ATP8B1: variants seen among roughly 807,000 people sequenced by gnomAD.
ATP8B1 encodes the protein phospholipid-transporting ATPase IC.
ATP8B1 carries 80 observed loss-of-function variants against 149.9 expected under a neutral mutation model. That is an observed-to-expected ratio of 0.53 (90% CI 0.45 to 0.64). The LOEUF (loss-of-function observed/expected upper bound fraction) is 0.64, where lower values mean the gene tolerates loss of function less well. ATP8B1 is among the 30% of genes least tolerant of loss of function. The pLI is 0.00. For missense variants in ATP8B1, 1,247 were observed against 1,552.6 expected, an observed-to-expected ratio of 0.80 and a Z score of 3.31; for synonymous variants, 536 against 562.8, an observed-to-expected ratio of 0.95 and a Z score of 0.67.
chr18:57,800,413 G>A (rs2663845), intron 1 of ATP8B1, among the ~76,000 whole-genome samples: 19,964 of 152,036 alleles, frequency 0.13, 1,882 homozygotes, highest in East Asian at 0.44. Context: ...TGAGTGCATC[G>A]GTTTCTTTTT....
intron 6 of ATP8B1, among the ~76,000 whole-genome samples, chr18:57,698,645 T>G (rs555061786): frequency 3.6e-4 from 55 of 152,332 alleles, no homozygotes; most frequent in African/African-American, 1.2e-3. Context: ...GGTTAACTTC[T>G]TAATTGTAAA....
chr18:57,750,793 A>C, intron 1 of ATP8B1, among the ~76,000 whole-genome samples: 1 of 152,186 alleles, frequency 6.6e-6, no homozygotes, highest in East Asian at 1.9e-4. Context: ...AACTTTGTGC[A>C]TGTTTGCATG....
chr18:57,713,404 C>T (rs1229393826), intron 2 of ATP8B1, among the ~76,000 whole-genome samples: 5 of 151,658 alleles, frequency 3.3e-5, no homozygotes, highest in African/African-American at 1.2e-4. Context: ...TCAAGCAATT[C>T]TCATGCCTCA....
intron 1 of ATP8B1, among the ~76,000 whole-genome samples, chr18:57,792,367 C>G (rs548636798): frequency 6.6e-6 from 1 of 151,854 alleles, no homozygotes; most frequent in Non-Finnish European, 1.5e-5. Flanking sequence ...AGGCTGTTCT[C>G]GAACTCCTGA....
At chr18:57,795,525 CT>C (rs952564915) in intron 1 of ATP8B1, among the ~76,000 whole-genome samples, 2 of 151,990 alleles carry the variant, frequency 1.3e-5, no homozygotes, top group Non-Finnish European at 2.9e-5. Flanking sequence ...TTATTCAGCC[CT>C]AAAAAAGGAA....
intron 13 of ATP8B1, among the ~76,000 whole-genome samples, chr18:57,686,333 G>A (rs73439171): frequency 0.081 from 12,277 of 151,782 alleles, 1,637 homozygotes; most frequent in African/African-American, 0.28. Flanking sequence ...CATATTAACC[G>A]ATTTTTTGTT....
Position 57,798,704 on chromosome 18 carries a change from G to A in ATP8B1, c.-26+4294C>T, listed in dbSNP as rs566875585. Among the ~76,000 whole-genome samples the A allele has an allele frequency of 9.8e-5, 15 of 152,298 alleles. No homozygotes were observed. In the South Asian group the frequency reaches 2.3e-3, roughly 23 times the overall value. ...TAAAGGGGGCTCAGGAGCATTCCAC[G>A]GGCTTCTACTGTGCAGGAAGAGGTA... On this transcript the variant is annotated intron_variant, in intron 1 of 27. Transcript: ENST00000648908.
At chr18:57,709,664 T>A (rs1392327875) in intron 2 of ATP8B1, among the ~76,000 whole-genome samples, 3 of 151,632 alleles carry the variant, frequency 2.0e-5, no homozygotes, top group African/African-American at 7.3e-5. Flanking sequence ...TCTTTTTTTG[T>A]CCTTTTTTCT....
At chr18:57,750,615 A>G (rs1345284494) in intron 1 of ATP8B1, among the ~76,000 whole-genome samples, 2 of 152,180 alleles carry the variant, frequency 1.3e-5, no homozygotes, top group East Asian at 1.9e-4. Context: ...CCTGCCTTAT[A>G]TATCAGTTCC....
chr18:57,738,374 A>G (rs2123191280), intron 1 of ATP8B1, among the ~76,000 whole-genome samples: 1 of 152,364 alleles, frequency 6.6e-6, no homozygotes, highest in South Asian at 2.1e-4. Context: ...CTGTAATCCC[A>G]GCACTTTGGA....
In ATP8B1 at chr18:57,685,333, G is replaced by T. The variant is rs17063968; in HGVS notation, c.1430-218C>A. 0.032 allele frequency among the ~76,000 whole-genome samples: 4,908 copies of T among 152,082 alleles called. 244 individuals carry two copies. The highest frequency in any genetic ancestry group is 0.11 in the African/African-American group (4,598 of 41,468). On this transcript the variant is annotated intron_variant, in intron 13 of 27. Coordinates refer to ENST00000648908, the MANE Select transcript of ATP8B1 (RefSeq NM_001374385.1). ...CCCTCTCCACTACCTTCTCCTAGGG[G>T]CCTGAATCATATCCTTTGAAATGCT... is the stretch of plus-strand genomic sequence containing the variant.
intron 1 of ATP8B1, among the ~76,000 whole-genome samples, chr18:57,777,790 G>A (rs1013184755): frequency 1.3e-5 from 2 of 152,096 alleles, no homozygotes; most frequent in African/African-American, 2.4e-5. Flanking sequence ...AGCTGGTTTC[G>A]AACTTCTGGG....
intron 1 of ATP8B1, among the ~76,000 whole-genome samples, chr18:57,780,559 A>G (rs1299131716): frequency 6.6e-6 from 1 of 152,188 alleles, no homozygotes; most frequent in African/African-American, 2.4e-5. Flanking sequence ...AGATGGGGGA[A>G]AGGAAATCGT....
chr18:57,750,416 A>C (rs931795625), intron 1 of ATP8B1, among the ~76,000 whole-genome samples: 4 of 152,240 alleles, frequency 2.6e-5, no homozygotes, highest in Non-Finnish European at 2.9e-5. Flanking sequence ...AAATATTTTC[A>C]AAGCATGTTT....
intron 1 of ATP8B1, among the ~76,000 whole-genome samples, chr18:57,790,235 C>G (rs192720288): frequency 5.3e-5 from 8 of 151,998 alleles, no homozygotes; most frequent in Admixed American, 5.2e-4. Context: ...CCCCCATCCT[C>G]TCTCTCTCAT....
At chr18:57,783,770 G>A (rs973949607) in intron 1 of ATP8B1, among the ~76,000 whole-genome samples, 4 of 152,134 alleles carry the variant, frequency 2.6e-5, no homozygotes, top group African/African-American at 9.7e-5. Flanking sequence ...GGGAGGCAGA[G>A]GTTGCAGTGA....
intron 20 of ATP8B1, among the ~76,000 whole-genome samples, chr18:57,664,064 C>T (rs1329012721): frequency 3.8e-5 from 3 of 78,832 alleles, no homozygotes; most frequent in East Asian, 4.6e-4. Flanking sequence ...CACGCCTGGC[C>T]AGCCCTTTTT....
rs1707906676 is a variant in ATP8B1 at position 57,802,534 on chromosome 18, C to T, written c.-26+464G>A. On this transcript the variant is annotated intron_variant, in intron 1 of 27. Transcript: ENST00000648908. The surrounding 1 kb of genome is among the most constrained non-coding windows in gnomAD (Gnocchi z 4.9). ...GTCAGATACGTTTGGCCCGCAAGTC[C>T]TTTTCGGACACGTTGGCATCTGCTC... 6.6e-6 allele frequency among the ~76,000 whole-genome samples: 1 copy of T among 152,184 alleles called. No individual in the cohort carries two copies. The highest frequency in any genetic ancestry group is 6.5e-5 in the Admixed American group (1 of 15,288).
chr18:57,764,160 G>C (rs2080184190), intron 1 of ATP8B1, among the ~76,000 whole-genome samples: 1 of 152,148 alleles, frequency 6.6e-6, no homozygotes. Context: ...GATCCATCTG[G>C]CATGGACAGA....
Sources: allele counts gnomAD v4.1 joint callset (sites outside exome capture counted in the v4.1 genomes callset), GRCh38; gene constraint gnomAD v4.1.1; non-coding constraint Gnocchi (gnomAD v3.1); transcripts MANE v1.5; gene names NCBI Gene and HGNC (gene_info 2026-07-23, HGNC 2026-07-21).